RNF217: variants seen among roughly 807,000 people sequenced by gnomAD.
The protein encoded by RNF217 is ring finger protein 217.
RNF217 carries 31 observed loss-of-function variants against 57.8 expected under a neutral mutation model. The ratio of observed to expected loss-of-function variants is 0.54; its 90% CI spans 0.40 to 0.72. RNF217 has a LOEUF of 0.72. Among genes scored for constraint, RNF217 ranks in the 30% least tolerant of loss-of-function variants. RNF217 has a pLI of 0.00. For synonymous variants in RNF217, 313 were observed against 294.0 expected (o/e 1.06, Z -0.66); for missense variants, 696 against 708.3 (o/e 0.98, Z 0.20).
chr6:125,055,352 C>G (rs1382087681), intron 2 of RNF217, among the ~76,000 whole-genome samples: 2 of 152,100 alleles, frequency 1.3e-5, no homozygotes, highest in Non-Finnish European at 2.9e-5. Flanking sequence ...TGCAGTAGGA[C>G]TTGGTTGTTT....
chr6:125,072,388 G>T (rs898500418), intron 3 of RNF217, among the ~76,000 whole-genome samples: 25 of 152,110 alleles, frequency 1.6e-4, no homozygotes, highest in Admixed American at 1.1e-3. Context: ...ATCCCAAAAT[G>T]TACAAGGTTA....
At chr6:124,976,276 G>A (rs555426454) in intron 1 of RNF217, among the ~76,000 whole-genome samples, 862 of 51,286 alleles carry the variant, frequency 0.017, 5 homozygotes, top group Non-Finnish European at 0.022. Flanking sequence ...CCTCCCTCCC[G>A]CTCTCTCTCC....
At chr6:125,045,829 T>C (rs1192185761) in intron 2 of RNF217, among the ~76,000 whole-genome samples, 1 of 151,968 alleles carries the variant, frequency 6.6e-6, no homozygotes, top group Non-Finnish European at 1.5e-5. Flanking sequence ...CTATAATAGG[T>C]AAAAATAGTA....
intron 4 of RNF217, among the ~76,000 whole-genome samples, 184 bp downstream of exon 4, chr6:125,077,042 T>C (rs1002625075): frequency 6.6e-6 from 1 of 152,202 alleles, no homozygotes; most frequent in East Asian, 1.9e-4. Context: ...ACACTACTTA[T>C]ATGAGCAAGT....
At chr6:125,008,187 C>T (rs1204093600) in intron 1 of RNF217, among the ~76,000 whole-genome samples, 1 of 151,590 alleles carries the variant, frequency 6.6e-6, no homozygotes, top group African/African-American at 2.4e-5. Flanking sequence ...ACCCAGGGGG[C>T]GGAGCTTGCA....
chr6:125,014,329 T>A (rs1562468392), intron 1 of RNF217, among the ~76,000 whole-genome samples: 1 of 152,206 alleles, frequency 6.6e-6, no homozygotes, highest in Non-Finnish European at 1.5e-5. Flanking sequence ...GTACTCTAAA[T>A]GCCTTGCATG....
At chr6:125,067,155 G>A (rs1413280918) in intron 3 of RNF217, among the ~76,000 whole-genome samples, 1 of 152,188 alleles carries the variant, frequency 6.6e-6, no homozygotes, top group Non-Finnish European at 1.5e-5. Context: ...GAGCCAGGAA[G>A]TGTTTGATGT....
chr6:125,054,675 T>A (rs565302292), intron 2 of RNF217, among the ~76,000 whole-genome samples: 5 of 152,318 alleles, frequency 3.3e-5, no homozygotes, highest in Admixed American at 2.0e-4. Flanking sequence ...GCTTAGGGAC[T>A]CATTCCTGGT....
rs758828667 is a variant in RNF217, at chr6:125,082,549, C to T, written c.1556-315C>T. Reference sequence around the variant, plus strand: ...CTGTGTTGTTAAGTGATATGCTATACTGCCTGAAACAAGTGTGAGTATCAT... The same window carrying T: ...CTGTGTTGTTAAGTGATATGCTATATTGCCTGAAACAAGTGTGAGTATCAT... On this transcript the variant is annotated intron_variant, in intron 5 of 5. Transcript: ENST00000521654. The T allele has an allele frequency of 1.9e-6, 3 of 1,612,190 alleles. No homozygotes were observed. In the African/African-American group the frequency reaches 4.0e-5, roughly 22 times the overall value.
At chr6:124,974,672 G>A (rs181923406) in intron 1 of RNF217, among the ~76,000 whole-genome samples, 4 of 152,268 alleles carry the variant, frequency 2.6e-5, no homozygotes, top group East Asian at 1.9e-4. Flanking sequence ...GTTAATGAAA[G>A]GAGTTCATGT....
chr6:125,061,450 C>T (rs1041260093), intron 3 of RNF217, among the ~76,000 whole-genome samples: 2 of 151,076 alleles, frequency 1.3e-5, no homozygotes, highest in African/African-American at 4.9e-5. Context: ...TGTAATGCCC[C>T]CTTTTAAAAT....
chr6:125,072,738 T>C (rs576091858), intron 3 of RNF217, among the ~76,000 whole-genome samples: 172 of 152,268 alleles, frequency 1.1e-3, no homozygotes, highest in Non-Finnish European at 2.0e-3. Context: ...GACACAGATA[T>C]ACCTTGTGGA....
intron 1 of RNF217, among the ~76,000 whole-genome samples, chr6:124,988,603 T>C (rs750882313): frequency 6.6e-6 from 1 of 152,246 alleles, no homozygotes; most frequent in Non-Finnish European, 1.5e-5. Context: ...TTTTTAAATT[T>C]GTCAAACTAA....
chr6:124,973,766 A>C (rs780366432), intron 1 of RNF217, among the ~76,000 whole-genome samples: 1 of 152,140 alleles, frequency 6.6e-6, no homozygotes, highest in Non-Finnish European at 1.5e-5. Flanking sequence ...TAATTACAAT[A>C]CCTGTTCTGG....
intron 1 of RNF217, among the ~76,000 whole-genome samples, chr6:125,024,726 A>G (rs1372902975): frequency 2.6e-5 from 4 of 151,792 alleles, no homozygotes; most frequent in Admixed American, 2.6e-4. Context: ...TCTCAAAAAA[A>G]AAAAAAAAAA....
chr6:125,009,224 T>A lies in RNF217; in HGVS notation c.883-35987T>A, dbSNP rs1421089163. ...ATAAAGAGTAGGAGAATCAAAGCTG[T>A]TGTATAATTAGTTCTCTTCTCATCC... On this transcript the variant is annotated intron_variant, in intron 1 of 5. Coordinates refer to ENST00000521654, the MANE Select transcript of RNF217 (RefSeq NM_001286398.3). 4 of 1,605,350 alleles carry A rather than the reference T, an allele frequency of 2.5e-6. No individual in the cohort carries two copies. The African/African-American group carries it at 5.4e-5, about 21-fold the overall frequency.
intron 2 of RNF217, among the ~76,000 whole-genome samples, chr6:125,052,806 T>C (rs1472103467): frequency 6.6e-6 from 1 of 152,128 alleles, no homozygotes; most frequent in Non-Finnish European, 1.5e-5. Flanking sequence ...CCCAATTATT[T>C]ACCATTTTGG....
intron 2 of RNF217, among the ~76,000 whole-genome samples, chr6:125,050,508 A>G (rs1261672156): frequency 6.6e-6 from 1 of 151,974 alleles, no homozygotes; most frequent in Non-Finnish European, 1.5e-5. Context: ...TTTTATAAAC[A>G]CTACACAAAT....
At position 125,076,872 on chromosome 6, in the gene RNF217, A is replaced by G. The variant is rs1465152822; in HGVS notation, c.1483+14A>G. On this transcript the variant is annotated intron_variant, in intron 4 of 5. Transcript: ENST00000521654. ...GGTCAGTCTGTGGTGAGTGTCTGAC[A>G]TACTTATGGGTGTCTTCCCTGGGAA... 3.7e-6 allele frequency: 6 copies of G among 1,605,072 alleles called. No homozygotes were observed. Among genetic ancestry groups the G allele is most frequent in the African/African-American group, 2.7e-5 (2 of 74,712 alleles).
Sources: allele counts gnomAD v4.1 joint callset (sites outside exome capture counted in the v4.1 genomes callset), GRCh38; gene constraint gnomAD v4.1.1; transcripts MANE v1.5; gene names NCBI Gene and HGNC (gene_info 2026-07-23, HGNC 2026-07-21).